PAFAH1B2: variants seen among roughly 807,000 people sequenced by gnomAD.
PAFAH1B2 encodes platelet activating factor acetylhydrolase 1b catalytic subunit 2, also known as platelet-activating factor acetylhydrolase IB subunit alpha2.
A neutral mutation model predicts 28.0 loss-of-function variants in PAFAH1B2; 8 were observed. That is an observed-to-expected ratio of 0.29 (90% CI 0.17 to 0.52). The LOEUF (loss-of-function observed/expected upper bound fraction) is 0.52, where lower values mean the gene tolerates loss of function less well. PAFAH1B2 is among the 20% of genes least tolerant of loss of function. The probability of loss-of-function intolerance (pLI) is 0.97; values close to 1 mark genes in which losing one functional copy is unlikely to be tolerated. For missense variants in PAFAH1B2, 190 were observed against 282.6 expected (o/e 0.67, Z 2.35); for synonymous variants, 104 against 103.2 (o/e 1.01, Z -0.05).
chr11:117,160,172 G>T (rs773220152), intron 3 of PAFAH1B2, 149 bp downstream of exon 3: 1 of 646,428 alleles, frequency 1.5e-6, no homozygotes, highest in Non-Finnish European at 2.8e-6. Flanking sequence ...CTACCTAAAG[G>T]GATTTTCTTT....
intron 2 of PAFAH1B2, among the ~76,000 whole-genome samples, chr11:117,153,902 CA>C (rs1956208102): frequency 6.6e-6 from 1 of 151,280 alleles, no homozygotes; most frequent in African/African-American, 2.4e-5. Flanking sequence ...CAGATTTCTC[CA>C]GTTGTCCCAA....
rs1163059527 is a variant in PAFAH1B2 at position 117,144,315 on chromosome 11, G to C, written c.-111G>C. On this transcript the variant is annotated 5_prime_UTR_variant, in exon 1 of 6. Transcript: ENST00000527958. ...GGAGCTGCTGCTGGTGCTGGGGCCG[G>C]AGGAGGGACGCGCCGGAGCGGGACC... 2 of 400,484 alleles carry C rather than the reference G, an allele frequency of 5.0e-6. No homozygotes were observed. The highest frequency in any genetic ancestry group is 1.0e-5 in the Non-Finnish European group (2 of 195,054). The allele number at this position is 400,484 out of a possible 1,614,324, so 24.8% of individuals were successfully genotyped here. A position where few individuals can be genotyped will look rare whatever the true frequency, so the allele number is the denominator to read the frequency against.
chr11:117,169,699 CTTTTTA>C lies in PAFAH1B2; in HGVS notation c.*2007_*2012del, dbSNP rs1322324443. 29 of 1,056,464 alleles carry C rather than the reference CTTTTTA, an allele frequency of 2.7e-5. No homozygotes were observed. Among genetic ancestry groups the C allele is most frequent in the African/African-American group, 2.0e-4 (12 of 60,528 alleles). 65.4% of individuals were successfully genotyped at this position (1,056,464 alleles called of 1,614,324 possible). On this transcript the variant is annotated 3_prime_UTR_variant, in exon 6 of 6. Transcript: ENST00000527958. The stretch of plus-strand genomic sequence containing the variant: ...ACTTGTTTACGACATTAAAAATTTC[CTTTTTA>C]TTTTTAGTAGCCCAGGTTGAGTTTT...
Position 117,168,118 on chromosome 11 carries a change from T to A in PAFAH1B2, c.*419T>A. 1 of 1,053,952 alleles carries A rather than the reference T, an allele frequency of 9.5e-7. No individual in the cohort carries two copies. Among genetic ancestry groups the A allele is most frequent in the Non-Finnish European group, 1.1e-6 (1 of 871,004 alleles). 65.3% of individuals were successfully genotyped at this position (1,053,952 alleles called of 1,614,324 possible). A position where few individuals can be genotyped will look rare whatever the true frequency, so the allele number is the denominator to read the frequency against. The stretch of plus-strand genomic sequence containing the variant: ...GGCTTTAAAACATGTTTTCTCCAAT[T>A]TTTTTAAGGTTCATAATTTAGCCTT... On this transcript the variant is annotated 3_prime_UTR_variant, in exon 6 of 6. Coordinates refer to ENST00000527958, the MANE Select transcript of PAFAH1B2 (RefSeq NM_002572.4).
downstream of PAFAH1B2, chr11:117,171,613 C>T (rs865792492): frequency 5.9e-6 from 6 of 1,018,634 alleles, no homozygotes; most frequent in East Asian, 2.6e-5. Context: ...ATCACCCTTA[C>T]GTCCCCAGGG....
In PAFAH1B2 at chr11:117,167,612, C is replaced by G. The variant is rs1191033544; in HGVS notation, c.603C>G (p.Gly201=). The change falls in exon 6 of 6, where the codon GGC becomes GGG. Residue 201 remains glycine (G), a synonymous_variant. Coordinates refer to ENST00000527958, the MANE Select transcript of PAFAH1B2 (RefSeq NM_002572.4). The part of the protein sequence containing the change: ...MFDFLHLTGG[G]YAKICKPLHE... ...ATTTTCTGCATCTGACAGGAGGGGG[C>G]TATGCAAAGATCTGCAAACCCCTGC... The G allele has an allele frequency of 1.2e-6, 2 of 1,611,414 alleles. No individual in the cohort carries two copies. The highest frequency in any genetic ancestry group is 2.7e-5 in the African/African-American group (2 of 74,882).
chr11:117,159,500 A>C (rs990334050), intron 2 of PAFAH1B2: 3 of 154,550 alleles, frequency 1.9e-5, no homozygotes, highest in Non-Finnish European at 4.3e-5. Context: ...TGGAAGGCTA[A>C]GGTGGGCAGA....
In PAFAH1B2 at chr11:117,170,677, C is replaced by G; in HGVS notation, c.*2978C>G. 1.9e-6 allele frequency: 2 copies of G among 1,040,062 alleles called. No homozygotes were observed. The highest frequency in any genetic ancestry group is 2.3e-6 in the Non-Finnish European group (2 of 864,952). 64.4% of individuals were successfully genotyped at this position (1,040,062 alleles called of 1,614,324 possible). A position where few individuals can be genotyped will look rare whatever the true frequency, so the allele number is the denominator to read the frequency against. ...AACTTACTTTATTTTATTTTTTTAACCTAGTCACTGTTTACAATTGTATGC... is the reference window on the plus strand; with the variant it reads ...AACTTACTTTATTTTATTTTTTTAAGCTAGTCACTGTTTACAATTGTATGC... On this transcript the variant is annotated 3_prime_UTR_variant, in exon 6 of 6. Coordinates refer to ENST00000527958, the MANE Select transcript of PAFAH1B2 (RefSeq NM_002572.4).
In PAFAH1B2 at chr11:117,171,032, A is replaced by G; in HGVS notation, c.*3333A>G. ...TAGTGTATATTTCAATATAAATGTA[A>G]ACATTTTGCTCAATTTGCTGGTGTC... On this transcript the variant is annotated 3_prime_UTR_variant, in exon 6 of 6. Transcript: ENST00000527958. 1 of 1,033,238 alleles carries G rather than the reference A, an allele frequency of 9.7e-7. No individual in the cohort carries two copies. Among genetic ancestry groups the G allele is most frequent in the Non-Finnish European group, 1.2e-6 (1 of 858,896 alleles). The allele number at this position is 1,033,238 out of a possible 1,614,324, so 64.0% of individuals were successfully genotyped here.
chr11:117,158,569 T>G (rs948796201), intron 2 of PAFAH1B2, among the ~76,000 whole-genome samples: 6 of 151,880 alleles, frequency 4.0e-5, no homozygotes, highest in African/African-American at 1.5e-4. Flanking sequence ...TTTATTGAAC[T>G]CTTGGAGCCA....
In PAFAH1B2 at chr11:117,169,398, T is replaced by G. The variant is rs545121046; in HGVS notation, c.*1699T>G. ...GAACTGGACCAGGTGGGTATTGAAGTAACCCATCAAAATATGCTCTGCAGT... is the reference window on the plus strand; with the variant it reads ...GAACTGGACCAGGTGGGTATTGAAGGAACCCATCAAAATATGCTCTGCAGT... On this transcript the variant is annotated 3_prime_UTR_variant, in exon 6 of 6. Coordinates refer to ENST00000527958, the MANE Select transcript of PAFAH1B2 (RefSeq NM_002572.4). 3.1e-4 allele frequency: 322 copies of G among 1,051,648 alleles called. No homozygotes were observed. Among genetic ancestry groups the G allele is most frequent in the Non-Finnish European group, 3.6e-4 (311 of 870,572 alleles). The allele number at this position is 1,051,648 out of a possible 1,614,324, so 65.1% of individuals were successfully genotyped here.
chr11:117,169,910 T>C lies in PAFAH1B2; in HGVS notation c.*2211T>C. 1 of 1,053,924 alleles carries C rather than the reference T, an allele frequency of 9.5e-7. No individual in the cohort carries two copies. The highest frequency in any genetic ancestry group is 1.1e-6 in the Non-Finnish European group (1 of 872,094). The allele number at this position is 1,053,924 out of a possible 1,614,324, so 65.3% of individuals were successfully genotyped here. ...GCAGCATGCGCTTTTAGCTTCTCTC[T>C]TGACTGAGGATCAAATATCCCTTTG... On this transcript the variant is annotated 3_prime_UTR_variant, in exon 6 of 6. Coordinates refer to ENST00000527958, the MANE Select transcript of PAFAH1B2 (RefSeq NM_002572.4).
At chr11:117,175,980 T>G, downstream of PAFAH1B2, 2 of 1,488,498 alleles carry the variant, frequency 1.3e-6, no homozygotes, top group Non-Finnish European at 1.8e-6. Context: ...CTACACTGAT[T>G]CTCCAAACTT....
At chr11:117,163,319 C>T (rs745935873) in intron 4 of PAFAH1B2, among the ~76,000 whole-genome samples, 1 of 152,042 alleles carries the variant, frequency 6.6e-6, no homozygotes, top group Non-Finnish European at 1.5e-5. Context: ...AGGATAGCTG[C>T]CCAGTTGAAG....
chr11:117,149,033 A>ATTTTTTTTTTTTTTTT (rs71037462), intron 1 of PAFAH1B2, among the ~76,000 whole-genome samples: 3 of 118,626 alleles, frequency 2.5e-5, no homozygotes, highest in Admixed American at 9.0e-5. Context: ...ACACCTGCCA[A>ATTTTTTTTTTTTTTTT]TTTTTTTTTT....
chr11:117,146,489 C>T (rs1160121914), intron 1 of PAFAH1B2, among the ~76,000 whole-genome samples: 3 of 152,134 alleles, frequency 2.0e-5, no homozygotes, highest in South Asian at 2.1e-4. Flanking sequence ...GGAAAGAATA[C>T]AACAGCTGGA....
chr11:117,154,534 G>A (rs990202168), intron 2 of PAFAH1B2, among the ~76,000 whole-genome samples: 2 of 150,340 alleles, frequency 1.3e-5, no homozygotes, highest in Non-Finnish European at 2.9e-5. Flanking sequence ...TTGGCTTCCC[G>A]GGCTTAAGTG....
chr11:117,167,688 A>G lies in PAFAH1B2; in HGVS notation c.679A>G (p.Thr227Ala), dbSNP rs771033889. The G allele has an allele frequency of 6.5e-7, 1 of 1,549,242 alleles. No individual in the cohort carries two copies. The highest frequency in any genetic ancestry group is 1.2e-5 in the South Asian group (1 of 80,202). The change falls in exon 6 of 6, where the codon ACC becomes GCC. Residue 227 changes from threonine (T) to alanine (A), a missense_variant. By Grantham distance (58) the Thr-to-Ala change is moderately conservative (BLOSUM62 0). Transcript: ENST00000527958. ...LEETPEEKQT[T>A]IA is the part of the protein sequence containing the mutation. ...GGAAACACCTGAGGAGAAACAAACC[A>G]CCATTGCCTGACTGGCTCTTATCAG...
chr11:117,150,893 CAGG>C (rs1163187050), intron 1 of PAFAH1B2, among the ~76,000 whole-genome samples: 2 of 151,106 alleles, frequency 1.3e-5, no homozygotes, highest in Non-Finnish European at 2.9e-5. Context: ...GAGGCTGAGG[CAGG>C]AGAATGGCGT....
Sources: allele counts gnomAD v4.1 joint callset (sites outside exome capture counted in the v4.1 genomes callset), GRCh38; gene constraint gnomAD v4.1.1; transcripts MANE v1.5; gene names NCBI Gene and HGNC (gene_info 2026-07-23, HGNC 2026-07-21).